Variants in SMIM19 observed in about 807,000 individuals in gnomAD.
SMIM19 encodes UPF0697 protein C8orf40.
SMIM19 carries 6 observed loss-of-function variants against 13.2 expected under a neutral mutation model. The observed-to-expected ratio is 0.45, with a 90% CI of 0.25 to 0.90. SMIM19 has a LOEUF of 0.90. SMIM19 is among the 40% of genes least tolerant of loss of function. The probability of loss-of-function intolerance (pLI) is 0.19; values close to 1 mark genes in which losing one functional copy is unlikely to be tolerated. For missense variants in SMIM19, 138 were observed against 131.0 expected, an observed-to-expected ratio of 1.05 and a Z score of -0.26; for synonymous variants, 46 against 43.1, an observed-to-expected ratio of 1.07 and a Z score of -0.27.
intron 1 of SMIM19, 82 bp from the exon 2 acceptor site, chr8:42,546,387 G>A: frequency 6.8e-7 from 1 of 1,472,882 alleles, no homozygotes; most frequent in Non-Finnish European, 9.0e-7. Context: ...TTGGCCAGCA[G>A]GCCATATGTT....
intron 3 of SMIM19, among the ~76,000 whole-genome samples, chr8:42,549,421 AAAAG>A (rs1453641899): frequency 6.6e-6 from 1 of 152,208 alleles, no homozygotes. Flanking sequence ...CAAAAAAAAA[AAAAG>A]AAGTACATTC....
chr8:42,549,790 TAAA>T (rs916496070), intron 3 of SMIM19, among the ~76,000 whole-genome samples: 9 of 149,620 alleles, frequency 6.0e-5, no homozygotes, highest in Admixed American at 1.3e-4. Flanking sequence ...AAGTATTGTT[TAAA>T]AAAAAAAGTA....
chr8:42,552,176 TAA>T (rs1442408650), intron 3 of SMIM19, among the ~76,000 whole-genome samples: 1 of 151,952 alleles, frequency 6.6e-6, no homozygotes, highest in African/African-American at 2.4e-5. Flanking sequence ...CCCAGCACTT[TAA>T]GAGGCCAAAG....
In SMIM19 at chr8:42,552,731, A is replaced by G. The variant is rs543675946; in HGVS notation, c.*123A>G. ...TTATTTTACTTGTAACTTTTCCCCA[A>G]TTGTTCTGTGCATTGTTTTGCCTTT... On this transcript the variant is annotated 3_prime_UTR_variant, in exon 4 of 4. Coordinates refer to ENST00000417410, the MANE Select transcript of SMIM19 (RefSeq NM_001135674.2). The G allele has an allele frequency of 1.5e-4, 183 of 1,196,542 alleles. No individual in the cohort carries two copies. The African/African-American group carries it at 2.3e-3, about 15-fold the overall frequency. The allele number at this position is 1,196,542 out of a possible 1,614,324, so 74.1% of individuals were successfully genotyped here.
At chr8:42,543,133 A>G (rs1305480576) in intron 1 of SMIM19, among the ~76,000 whole-genome samples, 4 of 152,214 alleles carry the variant, frequency 2.6e-5, no homozygotes, top group African/African-American at 9.7e-5. Flanking sequence ...TAGTTCAAGC[A>G]TTACATTACA....
At chr8:42,541,374 G>C (rs1213674205), upstream of SMIM19, 1 of 147,788 alleles carries the variant, frequency 6.8e-6, no homozygotes, top group Non-Finnish European at 1.5e-5. Flanking sequence ...AGTCGGGCCG[G>C]GGGCTCGCGG....
intron 2 of SMIM19, among the ~76,000 whole-genome samples, chr8:42,547,063 T>C (rs1304050139): frequency 6.6e-6 from 1 of 151,182 alleles, no homozygotes; most frequent in Non-Finnish European, 1.5e-5. Flanking sequence ...GGTTTGGCTC[T>C]GAAAACCCCA....
At chr8:42,541,510 G>A (rs1169839122), upstream of SMIM19, 1 of 123,068 alleles carries the variant, frequency 8.1e-6, no homozygotes, top group Non-Finnish European at 1.8e-5. Context: ...AAACTGAAAA[G>A]GGGAAAGGAA....
At chr8:42,544,244 T>A (rs1586322572) in intron 1 of SMIM19, among the ~76,000 whole-genome samples, 1 of 151,304 alleles carries the variant, frequency 6.6e-6, no homozygotes, top group East Asian at 1.9e-4. Flanking sequence ...ACCCCGTCTC[T>A]ACTAAAAATA....
chr8:42,548,840 T>C, intron 3 of SMIM19, 60 bp downstream of exon 3: 1 of 1,505,968 alleles, frequency 6.6e-7, no homozygotes, highest in Non-Finnish European at 8.9e-7. Context: ...TTTTCTGGAA[T>C]TGAGTTCATT....
chr8:42,546,625 G>A lies in SMIM19; in HGVS notation c.134+19G>A. ...CCAAAAGGTAAATTTTTGTTTCTCA[G>A]GGTAGATAAAAACTGTGCATTTACA... On this transcript the variant is annotated intron_variant, in intron 2 of 3. Transcript: ENST00000417410. 1 of 1,598,720 alleles carries A rather than the reference G, an allele frequency of 6.3e-7. No homozygotes were observed. Among genetic ancestry groups the A allele is most frequent in the Non-Finnish European group, 8.5e-7 (1 of 1,175,900 alleles).
intron 1 of SMIM19, among the ~76,000 whole-genome samples, chr8:42,544,810 T>G (rs1813421353): frequency 6.6e-6 from 1 of 152,182 alleles, no homozygotes; most frequent in Admixed American, 6.5e-5. Context: ...TGAAATTTCA[T>G]TTTTCTCATA....
At chr8:42,550,185 G>A (rs944962975) in intron 3 of SMIM19, among the ~76,000 whole-genome samples, 5 of 151,992 alleles carry the variant, frequency 3.3e-5, no homozygotes, top group African/African-American at 1.2e-4. Flanking sequence ...GTACACAAAA[G>A]TTATTTGCTG....
intron 1 of SMIM19, among the ~76,000 whole-genome samples, chr8:42,543,340 C>G (rs1334107951): frequency 6.6e-6 from 1 of 152,126 alleles, no homozygotes; most frequent in African/African-American, 2.4e-5. Flanking sequence ...ACTCCTTACT[C>G]CTGGCAGCCT....
rs1813493067 is a variant in SMIM19, at chr8:42,546,554, G to A, written c.82G>A (p.Val28Ile). The change falls in exon 2 of 4, where the codon GTT becomes ATT. Residue 28 changes from valine (V) to isoleucine (I), a missense_variant. By Grantham distance (29) the Val-to-Ile change is conservative. Transcript: ENST00000417410. ...VHEAWNEATN[V>I]YLIVILVSFG... ...CGAAGCCTGGAATGAAGCCACCAAT[G>A]TTTACTTGATAGTTATCCTTGTTAG... is the stretch of plus-strand genomic sequence containing the variant. The A allele has an allele frequency of 6.2e-7, 1 of 1,614,076 alleles. No individual in the cohort carries two copies. The highest frequency in any genetic ancestry group is 1.3e-5 in the African/African-American group (1 of 74,950).
At chr8:42,542,948 C>T (rs1813314568) in intron 1 of SMIM19, among the ~76,000 whole-genome samples, 1 of 149,952 alleles carries the variant, frequency 6.7e-6, no homozygotes, top group Non-Finnish European at 1.5e-5. Context: ...CCACTGCCCT[C>T]CAGCCTGGGT....
Position 42,553,484 on chromosome 8 carries a change from T to C in SMIM19, c.*876T>C, listed in dbSNP as rs117441223. 1 of 152,394 alleles carries C rather than the reference T, an allele frequency of 6.6e-6. No individual in the cohort carries two copies. The highest frequency in any genetic ancestry group is 1.5e-5 in the Non-Finnish European group (1 of 68,080). 9.4% of individuals were successfully genotyped at this position (152,394 alleles called of 1,614,324 possible). ...CAGTATTACTGCCACTGGTGAATGTTGCTGTCTGGTTACTGCTGCATTTTT... is the reference window on the plus strand; with the variant it reads ...CAGTATTACTGCCACTGGTGAATGTCGCTGTCTGGTTACTGCTGCATTTTT... On this transcript the variant is annotated 3_prime_UTR_variant, in exon 4 of 4. Transcript: ENST00000417410.
Position 42,552,698 on chromosome 8 carries a change from G to A in SMIM19, c.*90G>A. 1 of 1,413,690 alleles carries A rather than the reference G, an allele frequency of 7.1e-7. No individual in the cohort carries two copies. Among genetic ancestry groups the A allele is most frequent in the Non-Finnish European group, 9.8e-7 (1 of 1,016,990 alleles). 87.6% of individuals were successfully genotyped at this position (1,413,690 alleles called of 1,614,324 possible). On this transcript the variant is annotated 3_prime_UTR_variant, in exon 4 of 4. Transcript: ENST00000417410. ...AACAGCTTTAAAAACATTTCTGTCTGCATAAAATTATTTTACTTGTAACTT... is the reference window on the plus strand; with the variant it reads ...AACAGCTTTAAAAACATTTCTGTCTACATAAAATTATTTTACTTGTAACTT...
intron 3 of SMIM19, among the ~76,000 whole-genome samples, chr8:42,551,044 C>T (rs144563420): frequency 0.021 from 3,231 of 152,188 alleles, 101 homozygotes; most frequent in Admixed American, 0.075. Context: ...ATTGGCCAGG[C>T]GTGGTGGCTC....
Sources: gnomAD v4.1 joint callset for allele counts (sites outside exome capture counted in the v4.1 genomes callset) on GRCh38, gnomAD v4.1.1 for gene constraint, MANE v1.5 for transcripts, NCBI Gene and HGNC (gene_info 2026-07-23, HGNC 2026-07-21) for gene names.